Variants in LHFPL6 observed in about 807,000 individuals in gnomAD.
LHFPL6 encodes the protein LHFPL tetraspan subfamily member 6, also known as LHFPL tetraspan subfamily member 6 protein.
LHFPL6 carries 9 observed loss-of-function variants against 20.6 expected under a neutral mutation model. The observed-to-expected ratio is 0.44, with a 90% CI of 0.26 to 0.76. LHFPL6 has a LOEUF of 0.76. Ranked by LOEUF, LHFPL6 falls within the 30% of genes least tolerant of loss-of-function variation. The pLI is 0.20. For missense variants in LHFPL6, 218 were observed against 253.5 expected (o/e 0.86, Z 0.95); for synonymous variants, 105 against 98.7 (o/e 1.06, Z -0.38).
At chr13:39,568,134 G>A (rs147836759) in intron 2 of LHFPL6, among the ~76,000 whole-genome samples, 10 of 152,296 alleles carry the variant, frequency 6.6e-5, no homozygotes, top group African/African-American at 2.4e-4. Flanking sequence ...ATGTGAAAGT[G>A]TTAGGTAGAG....
intron 2 of LHFPL6, among the ~76,000 whole-genome samples, chr13:39,517,038 C>T (rs9576830): frequency 0.02 from 3,017 of 152,258 alleles, 93 homozygotes; most frequent in East Asian, 0.12. Context: ...TCTGATCTCC[C>T]CACATGACCC....
chr13:39,550,734 T>C (rs1251470552), intron 2 of LHFPL6, among the ~76,000 whole-genome samples: 13 of 152,118 alleles, frequency 8.5e-5, no homozygotes, highest in Admixed American at 8.5e-4. Flanking sequence ...TAAGAGAAAT[T>C]CAGTTTACAT....
rs1300662428 is a variant in LHFPL6 at position 39,352,861 on chromosome 13, ATGTG to A, written c.485-8811_485-8808del. Among the ~76,000 whole-genome samples the A allele has an allele frequency of 2.8e-3, 171 of 61,668 alleles. 3 individuals carry two copies. The highest frequency in any genetic ancestry group is 9.0e-3 in the African/African-American group (132 of 14,680). The allele number at this position is 61,668 out of a possible 152,430, so 40.5% of individuals were successfully genotyped here. On this transcript the variant is annotated intron_variant, in intron 3 of 3. Transcript: ENST00000379589. The stretch of plus-strand genomic sequence containing the variant: ...TGTATATATATATAAATGTATATAT[ATGTG>A]TATATATATATATAAATGTATATAT...
chr13:39,414,358 T>G (rs1871299665), intron 2 of LHFPL6, among the ~76,000 whole-genome samples: 1 of 152,234 alleles, frequency 6.6e-6, no homozygotes, highest in African/African-American at 2.4e-5. Context: ...ATCTTCCTAA[T>G]TCCATCTTCC....
chr13:39,448,622 C>G (rs1418561030), intron 2 of LHFPL6, among the ~76,000 whole-genome samples: 2 of 152,168 alleles, frequency 1.3e-5, no homozygotes, highest in Non-Finnish European at 2.9e-5. Context: ...ATGGAAAAGC[C>G]TCATTAACAG....
intron 2 of LHFPL6, among the ~76,000 whole-genome samples, chr13:39,573,683 G>C (rs1872008603): frequency 6.6e-6 from 1 of 151,130 alleles, no homozygotes; most frequent in Non-Finnish European, 1.5e-5. Context: ...CACACAAAAG[G>C]GACTGGAAAT....
At chr13:39,423,505 C>T (rs1871550650) in intron 2 of LHFPL6, among the ~76,000 whole-genome samples, 1 of 151,986 alleles carries the variant, frequency 6.6e-6, no homozygotes. Context: ...CTCACTGCAA[C>T]CTCCATCTCT....
chr13:39,522,620 C>G (rs1870145208), intron 2 of LHFPL6, among the ~76,000 whole-genome samples: 1 of 152,222 alleles, frequency 6.6e-6, no homozygotes, highest in Non-Finnish European at 1.5e-5. Context: ...AAGATACAGA[C>G]TTCCTATTTC....
At chr13:39,537,532 G>A (rs1296572369) in intron 2 of LHFPL6, among the ~76,000 whole-genome samples, 1 of 152,104 alleles carries the variant, frequency 6.6e-6, no homozygotes, top group Non-Finnish European at 1.5e-5. Flanking sequence ...ATTTTTTAAT[G>A]GTGATAATTA....
chr13:39,560,616 G>T (rs1041614868), intron 2 of LHFPL6, among the ~76,000 whole-genome samples: 1 of 146,378 alleles, frequency 6.8e-6, no homozygotes, highest in Non-Finnish European at 1.5e-5. Flanking sequence ...CCGGGTTCAC[G>T]CCATTCTCCT....
intron 2 of LHFPL6, among the ~76,000 whole-genome samples, chr13:39,576,723 TC>T (rs1184389707): frequency 2.0e-5 from 3 of 152,078 alleles, no homozygotes; most frequent in African/African-American, 7.2e-5. Context: ...AGCCTCGACT[TC>T]CTAGGTTCAA....
chr13:39,562,763 A>C (rs1184834615), intron 2 of LHFPL6, among the ~76,000 whole-genome samples: 2 of 151,504 alleles, frequency 1.3e-5, no homozygotes, highest in Admixed American at 6.6e-5. Flanking sequence ...ACGGCACTTT[A>C]CCCAACCAAT....
Position 39,600,897 on chromosome 13 carries a change from C to A in LHFPL6, c.320G>T (p.Cys107Phe). ...LLVALTALMG[C>F]CVSDLISRTV... is the part of the protein sequence containing the mutation. ...CCTGGAGATGAGGTCGGAAACACAG[C>A]AACCCATGAGGGCAGTGAGCGCCAC... The change falls in exon 2 of 4, where the codon TGC becomes TTC. Residue 107 changes from cysteine to phenylalanine, a missense_variant. Physicochemically the swap from Cys to Phe is radical, Grantham distance 205 (BLOSUM62 -2). Transcript: ENST00000379589. The A allele has an allele frequency of 6.4e-7, 1 of 1,563,482 alleles. No homozygotes were observed. The highest frequency in any genetic ancestry group is 1.2e-5 in the South Asian group (1 of 82,950).
At chr13:39,436,692 T>C (rs973013566) in intron 2 of LHFPL6, among the ~76,000 whole-genome samples, 2 of 152,258 alleles carry the variant, frequency 1.3e-5, no homozygotes, top group Non-Finnish European at 2.9e-5. Flanking sequence ...TCTAAAATTA[T>C]GTATTATAAA....
intron 2 of LHFPL6, among the ~76,000 whole-genome samples, chr13:39,515,601 T>G (rs2138480007): frequency 6.6e-6 from 1 of 152,340 alleles, no homozygotes; most frequent in African/African-American, 2.4e-5. Flanking sequence ...GGCATTGGTT[T>G]AAATCATCAT....
At chr13:39,352,918 T>C (rs1307860418) in intron 3 of LHFPL6, among the ~76,000 whole-genome samples, 37 of 59,598 alleles carry the variant, frequency 6.2e-4, no homozygotes, top group African/African-American at 9.7e-4. Context: ...AATGTATATA[T>C]ATATAAATGT....
intron 2 of LHFPL6, among the ~76,000 whole-genome samples, chr13:39,502,704 T>C (rs1869335209): frequency 6.6e-6 from 1 of 152,148 alleles, no homozygotes. Context: ...CAAGTGATTC[T>C]ATTTTCCCTC....
intron 2 of LHFPL6, among the ~76,000 whole-genome samples, chr13:39,390,983 C>T (rs866361876): frequency 3.9e-5 from 6 of 151,950 alleles, no homozygotes; most frequent in South Asian, 4.2e-4. Flanking sequence ...GGAGACAGAG[C>T]GAGACTCTGT....
chr13:39,350,558 C>T (rs1025707255), intron 3 of LHFPL6, among the ~76,000 whole-genome samples: 1 of 152,172 alleles, frequency 6.6e-6, no homozygotes, highest in African/African-American at 2.4e-5. Context: ...GCAATAAATG[C>T]TTGTTATTAT....
Sources: gnomAD v4.1 joint callset for allele counts (sites outside exome capture counted in the v4.1 genomes callset) on GRCh38, gnomAD v4.1.1 for gene constraint, MANE v1.5 for transcripts, NCBI Gene and HGNC (gene_info 2026-07-23, HGNC 2026-07-21) for gene names.